The following ABCA1 variants were observed in gnomAD, a reference collection of about 807,000 sequenced individuals.
ABCA1 encodes ATP binding cassette subfamily A member 1.
A neutral mutation model predicts 262.5 loss-of-function variants in ABCA1; 133 were observed. The ratio of observed to expected loss-of-function variants is 0.51; its 90% CI spans 0.44 to 0.59. The LOEUF (loss-of-function observed/expected upper bound fraction) is 0.59, where lower values mean the gene tolerates loss of function less well. Ranked by LOEUF, ABCA1 falls within the 20% of genes least tolerant of loss-of-function variation. The pLI, the probability that ABCA1 is intolerant of heterozygous loss-of-function variation, is 0.00. For missense variants in ABCA1, 2,452 were observed against 2,777.5 expected, an observed-to-expected ratio of 0.88 and a Z score of 2.63; for synonymous variants, 1,022 against 1,043.5, an observed-to-expected ratio of 0.98 and a Z score of 0.40.
intron 39 of ABCA1, 143 bp from the exon 40 acceptor site, chr9:104,794,653 C>G (rs962445777): frequency 2.2e-6 from 2 of 907,478 alleles, no homozygotes; most frequent in African/African-American, 3.3e-5. Context: ...CAAACCAGAC[C>G]TTTTAATTCA....
intron 7 of ABCA1, among the ~76,000 whole-genome samples, chr9:104,851,246 T>C (rs1835350159): frequency 6.6e-6 from 1 of 152,208 alleles, no homozygotes; most frequent in African/African-American, 2.4e-5. Context: ...AAATGCTCTG[T>C]TTCGTATTCA....
At chr9:104,813,067 C>T (rs186836366) in intron 27 of ABCA1, among the ~76,000 whole-genome samples, 1 of 152,320 alleles carries the variant, frequency 6.6e-6, no homozygotes, top group East Asian at 1.9e-4. Context: ...ATGAAACAGG[C>T]CATGTACGTA....
At chr9:104,795,668 A>G (rs1829831397) in intron 39 of ABCA1, among the ~76,000 whole-genome samples, 1 of 152,212 alleles carries the variant, frequency 6.6e-6, no homozygotes. Context: ...CAAGGTTATG[A>G]TCAAGGCTAA....
intron 12 of ABCA1, 61 bp downstream of exon 12, chr9:104,832,513 G>A (rs1378257428): frequency 6.4e-7 from 1 of 1,567,032 alleles, no homozygotes; most frequent in Non-Finnish European, 8.8e-7. Flanking sequence ...GAACCTTATT[G>A]TAACGTCTCA....
At chr9:104,844,468 G>A (rs938768680) in intron 8 of ABCA1, among the ~76,000 whole-genome samples, 12 of 152,010 alleles carry the variant, frequency 7.9e-5, no homozygotes, top group Non-Finnish European at 1.2e-4. Flanking sequence ...ATACACTAAC[G>A]TATCAATAGT....
At chr9:104,834,319 C>A (rs904151987) in intron 11 of ABCA1, among the ~76,000 whole-genome samples, 1 of 149,526 alleles carries the variant, frequency 6.7e-6, no homozygotes, top group Non-Finnish European at 1.5e-5. Context: ...CGCAGGATAG[C>A]ATATTTTAAA....
At chr9:104,873,012 C>G (rs1002373728) in intron 5 of ABCA1, among the ~76,000 whole-genome samples, 1 of 152,100 alleles carries the variant, frequency 6.6e-6, no homozygotes, top group African/African-American at 2.4e-5. Flanking sequence ...CACCTGCTTA[C>G]AGCCCAGCTG....
rs1449321907 is a variant in ABCA1, at chr9:104,821,377, G to T, written c.2958C>A (p.Asp986Glu). Residue 986 changes from aspartate to glutamate, a missense_variant and splice_region_variant, in exon 20 of 50, where the codon GAC (aspartate) becomes GAA (glutamate). Transcript: ENST00000374736. ...GVCPQHNVLF[D>E]MLTVEEHIWF... is the part of the protein sequence containing the mutation. ...CTTAACGTGCTGCTGGTACTCACAT[G>T]TCAAACAGCACGTTATGCTGGGGAC... 6.2e-7 allele frequency: 1 copy of T among 1,614,122 alleles called. No homozygotes were observed. The highest frequency in any genetic ancestry group is 8.5e-7 in the Non-Finnish European group (1 of 1,180,038).
intron 8 of ABCA1, among the ~76,000 whole-genome samples, chr9:104,840,872 G>A (rs936418452): frequency 6.6e-6 from 1 of 152,180 alleles, no homozygotes; most frequent in Non-Finnish European, 1.5e-5. Flanking sequence ...TGGAGTTAGT[G>A]AAGCCCCTGG....
Position 104,824,477 on chromosome 9 carries a change from T to C in ABCA1, c.2644A>G (p.Arg882Gly), listed in dbSNP as rs990831300. ...EKSHPGSNQK[R>G]ISEICMEEEP... ...CAACAGCACTTACTTTCTGATATTC[T>C]CTTCTGGTTGGAACCAGGGTGGCTC... The change falls in exon 18 of 50, where the codon AGA (arginine) becomes GGA (glycine). Residue 882 changes from arginine to glycine, a missense_variant. By Grantham distance (125) the Arg-to-Gly change is moderately radical (BLOSUM62 -2). Around this residue, in one of 4 missense-constraint regions of ABCA1, gnomAD observed 1,032 missense variants for 1,089.7 expected, o/e 0.95. Transcript: ENST00000374736. The C allele has an allele frequency of 1.9e-6, 3 of 1,613,994 alleles. No individual in the cohort carries two copies. Among genetic ancestry groups the C allele is most frequent in the Non-Finnish European group, 2.5e-6 (3 of 1,180,024 alleles).
chr9:104,820,147 G>T, intron 20 of ABCA1, 78 bp from the exon 21 acceptor site: 1 of 1,552,362 alleles, frequency 6.4e-7, no homozygotes. Flanking sequence ...CAGAACAGAT[G>T]AGAATGGGCA....
At chr9:104,798,390 TCAGA>T in intron 37 of ABCA1, 27 bp downstream of exon 37, 1 of 1,612,470 alleles carries the variant, frequency 6.2e-7, no homozygotes, top group Non-Finnish European at 8.5e-7. Flanking sequence ...CTGACAGACA[TCAGA>T]AAGATACAGC....
rs903294823 is a variant in ABCA1 at position 104,781,891 on chromosome 9, C to A, written c.*2424G>T. 1 of 152,152 alleles carries A rather than the reference C, an allele frequency of 6.6e-6. No individual in the cohort carries two copies. The highest frequency in any genetic ancestry group is 6.5e-5 in the Admixed American group (1 of 15,268). The allele number at this position is 152,152 out of a possible 1,614,324, so 9.4% of individuals were successfully genotyped here. On this transcript the variant is annotated 3_prime_UTR_variant, in exon 50 of 50. Transcript: ENST00000374736. ...AATTTCTACCACAATTAGGTTTACA[C>A]AGGAAAATGTAAAAAATTACTATTT... is the stretch of plus-strand genomic sequence containing the variant.
intron 1 of ABCA1, among the ~76,000 whole-genome samples, chr9:104,913,515 G>T (rs574733365): frequency 6.6e-6 from 1 of 152,234 alleles, no homozygotes; most frequent in African/African-American, 2.4e-5. Context: ...GGGACACAGA[G>T]TGGGTGGTTT....
At chr9:104,796,503 G>A in intron 37 of ABCA1, 79 bp from the exon 38 acceptor site, 1 of 1,055,594 alleles carries the variant, frequency 9.5e-7, no homozygotes, top group Non-Finnish European at 1.5e-6. Flanking sequence ...ACCATTATCA[G>A]ACAAGAAAGG....
rs1171336047 is a variant in ABCA1 at position 104,862,631 on chromosome 9, TGCCGGGCCGGGCCGG to T, written c.422-846_422-832del. Among the ~76,000 whole-genome samples, 13 of 22,938 alleles carry T rather than the reference TGCCGGGCCGGGCCGG, an allele frequency of 5.7e-4. 5 individuals are homozygous for T. Among genetic ancestry groups the T allele is most frequent in the Non-Finnish European group, 6.1e-4 (8 of 13,182 alleles). The allele number at this position is 22,938 out of a possible 152,430, so 15.0% of individuals were successfully genotyped here. A position where few individuals can be genotyped will look rare whatever the true frequency, so the allele number is the denominator to read the frequency against. On this transcript the variant is annotated intron_variant, in intron 5 of 49. Coordinates refer to ENST00000374736, the MANE Select transcript of ABCA1 (RefSeq NM_005502.4). ...CTGGAGAGCTTGTTAAAATGCAGACTGCCGGGCCGGGCCGGGCCGGGCCGGGCCGGGCCGGGCCGG... is the reference window on the plus strand; with the variant it reads ...CTGGAGAGCTTGTTAAAATGCAGACTGCCGGGCCGGGCCGGGCCGGGCCGG...
At chr9:104,877,622 C>A (rs558981986) in intron 5 of ABCA1, among the ~76,000 whole-genome samples, 1 of 152,388 alleles carries the variant, frequency 6.6e-6, no homozygotes, top group Non-Finnish European at 1.5e-5. Flanking sequence ...GGAAGCAAAG[C>A]AACTCGAATT....
chr9:104,841,089 C>G (rs1011908890), intron 8 of ABCA1, among the ~76,000 whole-genome samples: 1 of 152,132 alleles, frequency 6.6e-6, no homozygotes, highest in African/African-American at 2.4e-5. Context: ...ATGTGAAGTT[C>G]CCTATCTTGG....
chr9:104,890,688 T>A (rs1176723360), intron 2 of ABCA1, among the ~76,000 whole-genome samples: 2 of 151,792 alleles, frequency 1.3e-5, no homozygotes, highest in Non-Finnish European at 2.9e-5. Context: ...AACGTCAAAC[T>A]CTTGGGTTCA....
Sources: gnomAD v4.1 joint callset for allele counts (sites outside exome capture counted in the v4.1 genomes callset) on GRCh38, gnomAD v4.1.1 for gene constraint, gnomAD v4.1.1 regional missense constraint, MANE v1.5 for transcripts, NCBI Gene and HGNC (gene_info 2026-07-23, HGNC 2026-07-21) for gene names.